Variants in HMGCLL1 observed in about 807,000 individuals in gnomAD.
HMGCLL1 encodes 3-hydroxymethyl-3-methylglutaryl-CoA lyase, cytoplasmic.
Under a neutral mutation model 39.1 loss-of-function variants are expected in HMGCLL1, and 36 were observed. That is an observed-to-expected ratio of 0.92 (90% CI 0.71 to 1.22). HMGCLL1 has a LOEUF of 1.22. Among genes scored for constraint, HMGCLL1 ranks in the 50% most tolerant of loss-of-function variants. HMGCLL1 has a pLI of 0.00. For missense variants in HMGCLL1, 451 were observed against 416.5 expected (o/e 1.08, Z -0.72); for synonymous variants, 149 against 144.0 (o/e 1.03, Z -0.25).
chr6:55,588,496 TA>T, the HMGCLL1 span, among the ~76,000 whole-genome samples: 1 of 151,946 alleles, frequency 6.6e-6, no homozygotes, highest in South Asian at 2.1e-4. Context: ...TTAAGAGAAC[TA>T]GAGAAGCAAG....
At chr6:55,469,948 T>C (rs1459428759) in intron 7 of HMGCLL1, among the ~76,000 whole-genome samples, 1 of 151,870 alleles carries the variant, frequency 6.6e-6, no homozygotes, top group Non-Finnish European at 1.5e-5. Context: ...CATGTCCATT[T>C]TTACTGTCAA....
chr6:55,464,481 A>G (rs902170587), intron 7 of HMGCLL1, among the ~76,000 whole-genome samples: 2 of 152,170 alleles, frequency 1.3e-5, no homozygotes, highest in African/African-American at 4.8e-5. Flanking sequence ...ATAACCTACT[A>G]CCAAGTTCTC....
At chr6:55,543,470 CATATATAAT>C (rs1265277154) in intron 1 of HMGCLL1, among the ~76,000 whole-genome samples, 3 of 8,782 alleles carry the variant, frequency 3.4e-4, no homozygotes, top group Non-Finnish European at 9.1e-4. Context: ...TCATATATAT[CATATATAAT>C]ATATATATGA....
At chr6:55,663,262 G>A in the HMGCLL1 span, among the ~76,000 whole-genome samples, 2 of 150,062 alleles carry the variant, frequency 1.3e-5, no homozygotes, top group African/African-American at 2.4e-5. Flanking sequence ...TCTAGTTTTT[G>A]CAGTTGCAAT....
At position 55,543,306 on chromosome 6, in the gene HMGCLL1, ATATATAATATATAATATATAT is replaced by A. The variant is rs1248711242; in HGVS notation, c.109-1187_109-1167del. Among the ~76,000 whole-genome samples the A allele has an allele frequency of 4.4e-4, 9 of 20,646 alleles. 4 individuals are homozygous for A. Among genetic ancestry groups the A allele is most frequent in the Admixed American group, 2.2e-3 (2 of 898 alleles). 13.5% of individuals were successfully genotyped at this position (20,646 alleles called of 152,430 possible). On this transcript the variant is annotated intron_variant, in intron 1 of 8. Transcript: ENST00000274901. ...TATAATATATTATATATCATATATGATATATAATATATAATATATATTATATATCATATATGATATATAATA... is the reference window on the plus strand; with the variant it reads ...TATAATATATTATATATCATATATGATATATATCATATATGATATATAATA...
chr6:55,588,606 T>C, the HMGCLL1 span, among the ~76,000 whole-genome samples: 3 of 151,962 alleles, frequency 2.0e-5, no homozygotes, highest in Admixed American at 6.6e-5. Context: ...AAAAAATCAA[T>C]GAATCCAGGA....
At chr6:55,600,782 T>C in the HMGCLL1 span, among the ~76,000 whole-genome samples, 1 of 152,150 alleles carries the variant, frequency 6.6e-6, no homozygotes, top group Non-Finnish European at 1.5e-5. Flanking sequence ...ATAATGCTAA[T>C]GTTGCATGCA....
chr6:55,488,356 T>C (rs10456714), intron 7 of HMGCLL1, among the ~76,000 whole-genome samples: 23,034 of 152,042 alleles, frequency 0.15, 2,189 homozygotes, highest in Non-Finnish European at 0.21. Flanking sequence ...TGTGGATACA[T>C]ACAACTTCCT....
At chr6:55,497,921 G>A (rs940836474) in intron 6 of HMGCLL1, among the ~76,000 whole-genome samples, 5 of 152,122 alleles carry the variant, frequency 3.3e-5, no homozygotes, top group African/African-American at 1.2e-4. Context: ...AGACAATGAG[G>A]GGAAGGACCA....
At chr6:55,451,372 C>A (rs1764072779) in intron 7 of HMGCLL1, among the ~76,000 whole-genome samples, 1 of 152,038 alleles carries the variant, frequency 6.6e-6, no homozygotes, top group South Asian at 2.1e-4. Context: ...CCTGTAATCC[C>A]AGCACTTTGG....
the HMGCLL1 span, among the ~76,000 whole-genome samples, chr6:55,641,458 A>G: frequency 6.6e-6 from 1 of 152,004 alleles, no homozygotes; most frequent in Non-Finnish European, 1.5e-5. Context: ...TAAAAATGTT[A>G]TATACGTGTG....
At chr6:55,538,810 C>T (rs769529700) in intron 3 of HMGCLL1, among the ~76,000 whole-genome samples, 2 of 151,434 alleles carry the variant, frequency 1.3e-5, no homozygotes, top group African/African-American at 2.4e-5. Flanking sequence ...TAGGTAGTGG[C>T]TAATCAAAAC....
At chr6:55,550,309 T>C (rs1561956276) in intron 1 of HMGCLL1, among the ~76,000 whole-genome samples, 1 of 151,938 alleles carries the variant, frequency 6.6e-6, no homozygotes, top group Admixed American at 6.6e-5. Context: ...TGGCAGCTGA[T>C]GGCATTTCAC....
chr6:55,568,468 G>T (rs145544502), intron 1 of HMGCLL1, among the ~76,000 whole-genome samples: 1 of 152,174 alleles, frequency 6.6e-6, no homozygotes, highest in African/African-American at 2.4e-5. Context: ...TGATTCCTGA[G>T]GAAGCTAAAT....
chr6:55,480,456 C>G (rs926705070), intron 7 of HMGCLL1, among the ~76,000 whole-genome samples: 1 of 151,558 alleles, frequency 6.6e-6, no homozygotes, highest in Non-Finnish European at 1.5e-5. Flanking sequence ...AGCTTTTACT[C>G]AAGGTAACAA....
the HMGCLL1 span, among the ~76,000 whole-genome samples, chr6:55,669,496 AT>A: frequency 1.4e-4 from 22 of 151,920 alleles, no homozygotes; most frequent in African/African-American, 5.3e-4. Context: ...GAAGAAAAAA[AT>A]AATCTAAAAT....
the HMGCLL1 span, among the ~76,000 whole-genome samples, chr6:55,634,721 C>T: frequency 6.6e-6 from 1 of 152,022 alleles, no homozygotes; most frequent in Non-Finnish European, 1.5e-5. Context: ...AATTATTCAC[C>T]CATATTTGGT....
the HMGCLL1 span, among the ~76,000 whole-genome samples, chr6:55,647,200 G>T: frequency 6.6e-6 from 1 of 151,560 alleles, no homozygotes; most frequent in African/African-American, 2.4e-5. Context: ...TCTATTTTGT[G>T]AGGCATAACT....
intron 1 of HMGCLL1, among the ~76,000 whole-genome samples, chr6:55,565,891 C>T (rs1260002737): frequency 6.6e-6 from 1 of 151,726 alleles, no homozygotes; most frequent in East Asian, 1.9e-4. Context: ...AAAACCTAGG[C>T]AAGCAGAGTT....
Sources: allele counts gnomAD v4.1 joint callset (sites outside exome capture counted in the v4.1 genomes callset), GRCh38; gene constraint gnomAD v4.1.1; transcripts MANE v1.5; gene names NCBI Gene and HGNC (gene_info 2026-07-23, HGNC 2026-07-21).